PLA2G1B: variants seen among roughly 807,000 people sequenced by gnomAD.
PLA2G1B encodes phospholipase A2 group IB, also known as phospholipase A2.
A neutral mutation model predicts 12.5 loss-of-function variants in PLA2G1B; 12 were observed. The observed-to-expected ratio is 0.96, with a 90% CI of 0.62 to 1.56. PLA2G1B has a LOEUF of 1.56. PLA2G1B is among the 40% of genes most tolerant of loss of function. PLA2G1B has a pLI of 0.00. For missense variants in PLA2G1B, 189 were observed against 186.7 expected (o/e 1.01, Z -0.07); for synonymous variants, 81 against 73.4 (o/e 1.10, Z -0.53).
At chr12:120,323,840 A>G (rs1873284919) in intron 3 of PLA2G1B, among the ~76,000 whole-genome samples, 2 of 152,222 alleles carry the variant, frequency 1.3e-5, no homozygotes, top group African/African-American at 4.8e-5. Flanking sequence ...AAGTCATAAC[A>G]AGGTGATAAG....
chr12:120,324,598 G>T (rs952987224), intron 3 of PLA2G1B, among the ~76,000 whole-genome samples: 14 of 152,126 alleles, frequency 9.2e-5, no homozygotes, highest in Admixed American at 7.2e-4. Flanking sequence ...AGCTCAGGAG[G>T]TTGAGGCTGC....
chr12:120,324,882 G>A (rs974209671), intron 3 of PLA2G1B, 52 bp downstream of exon 3: 9 of 1,590,920 alleles, frequency 5.7e-6, no homozygotes, highest in East Asian at 2.2e-5. Flanking sequence ...ATTTCCCCCC[G>A]GCCTACTGAG....
At chr12:120,326,048 A>C in intron 1 of PLA2G1B, 28 bp from the exon 2 acceptor site, 2 of 1,610,498 alleles carry the variant, frequency 1.2e-6, no homozygotes, top group Non-Finnish European at 1.7e-6. Flanking sequence ...CAGAGTTCAA[A>C]TCGGTCTGCC....
chr12:120,327,692 G>A, intron 1 of PLA2G1B, 28 bp downstream of exon 1: 1 of 1,610,618 alleles, frequency 6.2e-7, no homozygotes, highest in East Asian at 2.2e-5. Context: ...GGAGAGAAAG[G>A]CGGGTGGAGC....
chr12:120,322,387 A>C, intron 3 of PLA2G1B, 70 bp from the exon 4 acceptor site: 1 of 1,438,034 alleles, frequency 7.0e-7, no homozygotes, highest in Admixed American at 2.0e-5. Flanking sequence ...GGCAAGAAGA[A>C]TTAACTGGAA....
chr12:120,323,918 A>C (rs956179145), intron 3 of PLA2G1B, among the ~76,000 whole-genome samples: 3 of 152,156 alleles, frequency 2.0e-5, no homozygotes, highest in Non-Finnish European at 4.4e-5. Context: ...AAAAAGAAAA[A>C]GAAAGTTTAT....
intron 1 of PLA2G1B, among the ~76,000 whole-genome samples, chr12:120,327,454 G>A (rs1365308632): frequency 3.3e-5 from 5 of 152,178 alleles, no homozygotes; most frequent in Admixed American, 3.3e-4. Flanking sequence ...CAGCCTGGGT[G>A]ATAGAGCAAG....
intron 1 of PLA2G1B, among the ~76,000 whole-genome samples, chr12:120,327,332 T>C (rs1210335680): frequency 6.6e-6 from 1 of 151,688 alleles, no homozygotes; most frequent in Non-Finnish European, 1.5e-5. Context: ...AAAATTAAAA[T>C]AAAATAAAAT....
chr12:120,326,797 CG>C (rs1458420812), intron 1 of PLA2G1B, among the ~76,000 whole-genome samples: 1 of 151,636 alleles, frequency 6.6e-6, no homozygotes, highest in Non-Finnish European at 1.5e-5. Context: ...GATGAAACCC[CG>C]TCTTTATTAA....
chr12:120,322,296 G>T lies in PLA2G1B; in HGVS notation c.344C>A (p.Ala115Asp). Residue 115 changes from alanine (A) to aspartate (D), a missense_variant, in exon 4 of 4, where the codon GCC becomes GAC. Ala to Asp is a moderately radical substitution (Grantham distance 126). Transcript: ENST00000308366. ...GTTGCGGTCGCAGTTGCAAATGAAG[G>T]CCTCACACTCTTTGTTTTTGCCTGG... ...TCSSKNKECE[A>D]FICNCDRNAA... The T allele has an allele frequency of 6.2e-7, 1 of 1,613,948 alleles. No individual in the cohort carries two copies. The highest frequency in any genetic ancestry group is 1.1e-5 in the South Asian group (1 of 91,066).
At position 120,325,915 on chromosome 12, in the gene PLA2G1B, T is replaced by C. The variant is rs1349074942; in HGVS notation, c.140A>G (p.Tyr47Cys). 1 of 1,613,932 alleles carries C rather than the reference T, an allele frequency of 6.2e-7. No individual in the cohort carries two copies. The highest frequency in any genetic ancestry group is 8.5e-7 in the Non-Finnish European group (1 of 1,179,978). Residue 47 changes from tyrosine to cysteine, a missense_variant, in exon 2 of 4, where the codon TAC becomes TGC. Coordinates refer to ENST00000308366, the MANE Select transcript of PLA2G1B (RefSeq NM_000928.3). ...GSDPFLEYNN[Y>C]GCYCGLGGSG... ...GCCCCCCAAGCCACAGTAGCAGCCG[T>C]AGTTGTTGTATTCCAAGAAGGGGTC...
At chr12:120,322,528 C>CA (rs923171737) in intron 3 of PLA2G1B, among the ~76,000 whole-genome samples, 21 of 152,266 alleles carry the variant, frequency 1.4e-4, no homozygotes, top group Non-Finnish European at 2.9e-4. Flanking sequence ...ATATACCCCC[C>CA]AAAAAATTAT....
rs768965594 is a variant in PLA2G1B, at chr12:120,325,891, C to A, written c.164G>T (p.Gly55Val). The A allele has an allele frequency of 1.2e-6, 2 of 1,613,872 alleles. No homozygotes were observed. Among genetic ancestry groups the A allele is most frequent in the East Asian group, 2.2e-5 (1 of 44,880 alleles). ...CAGTTCATCCACGGGGGTGCCTGAG[C>A]CCCCCAAGCCACAGTAGCAGCCGTA... is the stretch of plus-strand genomic sequence containing the variant. ...NNYGCYCGLG[G>V]SGTPVDELDK... Residue 55 changes from glycine to valine, a missense_variant, in exon 2 of 4, where the codon GGC becomes GTC. Physicochemically the swap from Gly to Val is moderately radical, Grantham distance 109 (BLOSUM62 -3). Coordinates refer to ENST00000308366, the MANE Select transcript of PLA2G1B (RefSeq NM_000928.3).
At chr12:120,326,576 GATATAATAATAATAATA>G (rs1437307853) in intron 1 of PLA2G1B, among the ~76,000 whole-genome samples, 1 of 109,008 alleles carries the variant, frequency 9.2e-6, no homozygotes, top group Non-Finnish European at 1.8e-5. Flanking sequence ...GCAGTGAACA[GATATAATAATAATAATA>G]ATAATAATAA....
intron 1 of PLA2G1B, among the ~76,000 whole-genome samples, chr12:120,326,581 A>AATT (rs1873354247): frequency 6.7e-5 from 1 of 14,856 alleles, no homozygotes; most frequent in Non-Finnish European, 2.5e-4. Context: ...GAACAGATAT[A>AATT]ATAATAATAA....
Position 120,325,065 on chromosome 12 carries a change from G to C in PLA2G1B, c.195-4C>G. Reference sequence around the variant, plus strand: ...GTTGTCATGTGTCTGGCAGCACCTGGAAAGTGGGAGGGACAGCTGAGATAG... The same window carrying C: ...GTTGTCATGTGTCTGGCAGCACCTGCAAAGTGGGAGGGACAGCTGAGATAG... On this transcript the variant is annotated splice_region_variant and splice_polypyrimidine_tract_variant and intron_variant, in intron 2 of 3. Transcript: ENST00000308366. 1 of 1,613,990 alleles carries C rather than the reference G, an allele frequency of 6.2e-7. No individual in the cohort carries two copies. Among genetic ancestry groups the C allele is most frequent in the South Asian group, 1.1e-5 (1 of 91,074 alleles).
intron 3 of PLA2G1B, among the ~76,000 whole-genome samples, chr12:120,323,988 C>G (rs531571435): frequency 7.9e-5 from 12 of 152,118 alleles, no homozygotes; most frequent in Non-Finnish European, 1.6e-4. Context: ...AGACACTGCT[C>G]TAGATCTGGG....
At chr12:120,322,540 C>G (rs1450632340) in intron 3 of PLA2G1B, among the ~76,000 whole-genome samples, 1 of 152,158 alleles carries the variant, frequency 6.6e-6, no homozygotes, top group Non-Finnish European at 1.5e-5. Context: ...AAAAATTATC[C>G]ATTGCTTATC....
rs556725829 is a variant in PLA2G1B at position 120,324,872 on chromosome 12, A to T, written c.322+62T>A. 1.9e-6 allele frequency: 3 copies of T among 1,561,932 alleles called. No homozygotes were observed. The South Asian group carries it at 3.3e-5, about 17-fold the overall frequency. On this transcript the variant is annotated intron_variant, in intron 3 of 3. Coordinates refer to ENST00000308366, the MANE Select transcript of PLA2G1B (RefSeq NM_000928.3). ...CTAAATCATGGCTGTTGTTACTATT[A>T]TTTCCCCCCGGCCTACTGAGAACCA...
Sources: allele counts gnomAD v4.1 joint callset (sites outside exome capture counted in the v4.1 genomes callset), GRCh38; gene constraint gnomAD v4.1.1; transcripts MANE v1.5; gene names NCBI Gene and HGNC (gene_info 2026-07-23, HGNC 2026-07-21).